Variants in TRIM14 observed in about 807,000 individuals in gnomAD.
TRIM14 encodes the protein tripartite motif-containing protein 14.
TRIM14 carries 28 observed loss-of-function variants against 44.5 expected under a neutral mutation model. The observed-to-expected ratio is 0.63, with a 90% CI of 0.47 to 0.86. The LOEUF is 0.86. Among genes scored for constraint, TRIM14 ranks in the 40% least tolerant of loss-of-function variants. The pLI is 0.00. For synonymous variants in TRIM14, 299 were observed against 269.2 expected (o/e 1.11, Z -1.08); for missense variants, 607 against 611.1 (o/e 0.99, Z 0.07).
intron 3 of TRIM14, among the ~76,000 whole-genome samples, chr9:98,099,144 G>T (rs1645698183): frequency 6.6e-6 from 1 of 152,050 alleles, no homozygotes; most frequent in East Asian, 1.9e-4. Flanking sequence ...TTCAGGTGGG[G>T]TGTCTCAATT....
chr9:98,039,872 C>T, the TRIM14 span, among the ~76,000 whole-genome samples: 4 of 152,100 alleles, frequency 2.6e-5, no homozygotes, highest in Non-Finnish European at 4.4e-5. Flanking sequence ...TCCAGCCTCC[C>T]GCACAGCCGG....
At chr9:98,057,128 C>T in the TRIM14 span, among the ~76,000 whole-genome samples, 1 of 152,264 alleles carries the variant, frequency 6.6e-6, no homozygotes, top group East Asian at 1.9e-4. Flanking sequence ...CGTGACCTTT[C>T]TGCATTACAG....
At chr9:98,112,279 TGTTTTTG>T (rs2118654752) in intron 1 of TRIM14, among the ~76,000 whole-genome samples, 1 of 152,328 alleles carries the variant, frequency 6.6e-6, no homozygotes, top group African/African-American at 2.4e-5. Flanking sequence ...AAGTCAGATG[TGTTTTTG>T]GTAAAGACTG....
intron 6 of TRIM14, among the ~76,000 whole-genome samples, chr9:98,071,522 G>C (rs1829337339): frequency 6.6e-6 from 1 of 152,208 alleles, no homozygotes; most frequent in South Asian, 2.1e-4. Flanking sequence ...TTAATATAAA[G>C]CATAGTACAC....
Position 98,087,898 on chromosome 9 carries a change from G to A in TRIM14, c.901C>T (p.Pro301Ser), listed in dbSNP as rs761101028. Residue 301 changes from proline (P) to serine (S), a missense_variant, in exon 6 of 6, where the codon CCC becomes TCC. Coordinates refer to ENST00000341469, the MANE Select transcript of TRIM14 (RefSeq NM_014788.4). Reference protein sequence around the residue: ...CGLLGSLGPVPVLRFDALWQV... With the variant: ...CGLLGSLGPVSVLRFDALWQV... ...CAGAGCGCGTCGAACCGCAGCACGG[G>A]CACGGGCCCCAGGCTGCCCAGCAGG... is the stretch of plus-strand genomic sequence containing the variant. The A allele has an allele frequency of 2.4e-5, 38 of 1,569,384 alleles. No individual in the cohort carries two copies. The South Asian group carries it at 3.7e-4, about 15-fold the overall frequency.
the TRIM14 span, among the ~76,000 whole-genome samples, chr9:98,062,737 C>T: frequency 1.3e-5 from 2 of 150,314 alleles, no homozygotes; most frequent in Non-Finnish European, 3.0e-5. Flanking sequence ...CTATACTGTA[C>T]CTAACCATTC....
chr9:98,058,269 A>C, the TRIM14 span, among the ~76,000 whole-genome samples: 1 of 152,102 alleles, frequency 6.6e-6, no homozygotes, highest in Non-Finnish European at 1.5e-5. Flanking sequence ...TGAATCATAA[A>C]AATACTTTAC....
chr9:98,064,279 A>T (rs1389788482), downstream of TRIM14, among the ~76,000 whole-genome samples: 1 of 151,664 alleles, frequency 6.6e-6, no homozygotes, highest in Non-Finnish European at 1.5e-5. Flanking sequence ...TTAAAGACGG[A>T]GTCTTGGTCT....
intron 4 of TRIM14, among the ~76,000 whole-genome samples, chr9:98,094,057 A>G (rs1165565880): frequency 2.6e-5 from 4 of 152,060 alleles, no homozygotes; most frequent in African/African-American, 9.7e-5. Flanking sequence ...ATTATTCTTT[A>G]TAGCAGTATA....
chr9:98,048,128 C>T, the TRIM14 span, among the ~76,000 whole-genome samples: 485 of 151,906 alleles, frequency 3.2e-3, 4 homozygotes, highest in African/African-American at 0.011. Context: ...GACAAGACTC[C>T]CATGGATGAT....
At position 98,078,197 on chromosome 9, in the gene TRIM14, C is replaced by T. The variant is rs747377120; in HGVS notation, c.*29-8510G>A. 3.7e-6 allele frequency: 6 copies of T among 1,614,066 alleles called. No individual in the cohort carries two copies. In the African/African-American group the frequency reaches 6.7e-5, roughly 18 times the overall value. The stretch of plus-strand genomic sequence containing the variant: ...TGTTGGTGCTGGATTACTCAGGTCG[C>T]CCAATGGTGATCTCCAGTGGGATGC... On this transcript the variant is annotated intron_variant, in intron 6 of 6. Transcript: ENST00000375098.
At chr9:98,047,208 C>T in the TRIM14 span, among the ~76,000 whole-genome samples, 1 of 151,978 alleles carries the variant, frequency 6.6e-6, no homozygotes, top group Non-Finnish European at 1.5e-5. Context: ...AGGGGAAATC[C>T]CTTTTGCTTG....
intron 3 of TRIM14, among the ~76,000 whole-genome samples, chr9:98,097,188 T>G (rs1420615921): frequency 2.0e-5 from 3 of 152,190 alleles, no homozygotes; most frequent in Non-Finnish European, 4.4e-5. Flanking sequence ...AGTGAGACCC[T>G]GTCTCAAAAA....
In TRIM14 at chr9:98,087,530, C is replaced by T; in HGVS notation, c.1269G>A (p.Glu423=). Residue 423 remains glutamate (E), a synonymous_variant, in exon 6 of 6, where the codon GAG becomes GAA. Transcript: ENST00000341469. ...HLHTFRATFQ[E]PLYPALRLWE... ...AGAGCCGCAGGGCCGGGTAGAGCGG[C>T]TCCTGGAACGTGGCGCGGAAGGTAT... is the stretch of plus-strand genomic sequence containing the variant. 6.3e-7 allele frequency: 1 copy of T among 1,597,666 alleles called. No individual in the cohort carries two copies. Among genetic ancestry groups the T allele is most frequent in the Non-Finnish European group, 8.5e-7 (1 of 1,173,460 alleles).
the TRIM14 span, among the ~76,000 whole-genome samples, chr9:98,050,163 G>C: frequency 1.3e-5 from 2 of 152,206 alleles, no homozygotes; most frequent in Admixed American, 1.3e-4. Context: ...ACAGATATGG[G>C]CTACAGTCTG....
Position 98,087,439 on chromosome 9 carries a change from T to C in TRIM14, c.*31A>G. ...TAGGCGAGACTGGGCAGCTGCGGCGTACCTGGAGGCTGTCACGCCGGTCCT... is the reference window on the plus strand; with the variant it reads ...TAGGCGAGACTGGGCAGCTGCGGCGCACCTGGAGGCTGTCACGCCGGTCCT... On this transcript the variant is annotated 3_prime_UTR_variant, in exon 6 of 6. Transcript: ENST00000341469. The C allele has an allele frequency of 1.2e-6, 2 of 1,607,374 alleles. No homozygotes were observed. Among genetic ancestry groups the C allele is most frequent in the South Asian group, 2.2e-5 (2 of 90,594 alleles).
At chr9:98,041,082 C>G in the TRIM14 span, among the ~76,000 whole-genome samples, 1 of 152,024 alleles carries the variant, frequency 6.6e-6, no homozygotes, top group Non-Finnish European at 1.5e-5. Flanking sequence ...AGCCACTGTG[C>G]CTGGCCAGTA....
chr9:98,116,925 T>C (rs1827075508), intron 1 of TRIM14, among the ~76,000 whole-genome samples: 1 of 152,098 alleles, frequency 6.6e-6, no homozygotes, highest in African/African-American at 2.4e-5. Context: ...AAGTGTAATA[T>C]TAAAACTTAC....
chr9:98,109,660 C>T (rs778927592), intron 2 of TRIM14, among the ~76,000 whole-genome samples: 7 of 152,184 alleles, frequency 4.6e-5, no homozygotes, highest in African/African-American at 1.2e-4. Flanking sequence ...CAAAGGAAAC[C>T]GGAGCTCAGG....
Sources: gnomAD v4.1 joint callset for allele counts (sites outside exome capture counted in the v4.1 genomes callset) on GRCh38, gnomAD v4.1.1 for gene constraint, MANE v1.5 for transcripts, NCBI Gene and HGNC (gene_info 2026-07-23, HGNC 2026-07-21) for gene names.